Variants in DNAJC24 observed in about 807,000 individuals in gnomAD.
DNAJC24 encodes dnaJ homolog subfamily C member 24.
Under a neutral mutation model 18.0 loss-of-function variants are expected in DNAJC24, and 17 were observed. The observed-to-expected ratio is 0.94, with a 90% CI of 0.65 to 1.42. The LOEUF (loss-of-function observed/expected upper bound fraction) is 1.42, where lower values mean the gene tolerates loss of function less well. DNAJC24 is among the 40% of genes most tolerant of loss of function. The probability of loss-of-function intolerance (pLI) is 0.00; values close to 1 mark genes in which losing one functional copy is unlikely to be tolerated. For missense variants in DNAJC24, 158 were observed against 175.6 expected, an observed-to-expected ratio of 0.90 and a Z score of 0.57; for synonymous variants, 55 against 57.7, an observed-to-expected ratio of 0.95 and a Z score of 0.21.
In DNAJC24 at chr11:31,430,397, A is replaced by C; in HGVS notation, c.446A>C (p.Asn149Thr). 6.2e-7 allele frequency: 1 copy of C among 1,601,574 alleles called. No individual in the cohort carries two copies. ...CTAATTATAGAACTCCTTCATTATAACTAAAATTGTTCACAACTTGAAATG... is the reference window on the plus strand; with the variant it reads ...CTAATTATAGAACTCCTTCATTATACCTAAAATTGTTCACAACTTGAAATG... ...CSLIIELLHYN is the reference protein window; with the variant it reads ...CSLIIELLHYT Residue 149 changes from asparagine (N) to threonine (T), a missense_variant, in exon 5 of 5, where the codon AAC becomes ACC. By Grantham distance (65) the Asn-to-Thr change is moderately conservative (BLOSUM62 0). Transcript: ENST00000465995.
rs1278236314 is a variant in DNAJC24 at position 31,430,533 on chromosome 11, C to G, written c.*132C>G. 6 of 556,234 alleles carry G rather than the reference C, an allele frequency of 1.1e-5. No individual in the cohort carries two copies. The Admixed American group carries it at 1.9e-4, about 17-fold the overall frequency. 34.5% of individuals were successfully genotyped at this position (556,234 alleles called of 1,614,324 possible). A position where few individuals can be genotyped will look rare whatever the true frequency, so the allele number is the denominator to read the frequency against. ...GCAAAGAAAATATACAATTATCAAG[C>G]AGAGACCACCTCAGATTAATAGAGA... On this transcript the variant is annotated 3_prime_UTR_variant, in exon 5 of 5. Coordinates refer to ENST00000465995, the MANE Select transcript of DNAJC24 (RefSeq NM_181706.5).
At chr11:31,415,965 A>G (rs1952748245) in intron 3 of DNAJC24, 1 of 152,148 alleles carries the variant, frequency 6.6e-6, no homozygotes, top group Admixed American at 6.6e-5. Context: ...AGACATCCCT[A>G]TTTATTTTCA....
At chr11:31,391,917 A>G (rs1381704335) in intron 2 of DNAJC24, among the ~76,000 whole-genome samples, 1 of 152,214 alleles carries the variant, frequency 6.6e-6, no homozygotes, top group Non-Finnish European at 1.5e-5. Context: ...CTATTCAGCC[A>G]TAAAAAGTGA....
chr11:31,376,288 C>G (rs2133466991), intron 2 of DNAJC24, among the ~76,000 whole-genome samples: 1 of 152,290 alleles, frequency 6.6e-6, no homozygotes, highest in African/African-American at 2.4e-5. Context: ...CCGGGTATAT[C>G]TTTATCTGCA....
In DNAJC24 at chr11:31,432,634, T is replaced by A; in HGVS notation, c.*2233T>A. The stretch of plus-strand genomic sequence containing the variant: ...AATGTTATAGTATCATCATATTCCC[T>A]TTTGCTATCTGTCCCTTTTCTCTAT... On this transcript the variant is annotated 3_prime_UTR_variant, in exon 5 of 5. Transcript: ENST00000465995. 1.9e-6 allele frequency: 2 copies of A among 1,042,358 alleles called. No individual in the cohort carries two copies. Among genetic ancestry groups the A allele is most frequent in the South Asian group, 2.6e-5 (2 of 77,666 alleles). 64.6% of individuals were successfully genotyped at this position (1,042,358 alleles called of 1,614,324 possible).
chr11:31,391,673 C>G (rs1270803675), intron 2 of DNAJC24, among the ~76,000 whole-genome samples: 1 of 152,124 alleles, frequency 6.6e-6, no homozygotes. Context: ...ATTAGTGCAA[C>G]CAGTATGGAG....
At chr11:31,421,952 T>A (rs1284872725) in intron 3 of DNAJC24, 2 of 442,236 alleles carry the variant, frequency 4.5e-6, no homozygotes, top group African/African-American at 2.0e-5. Context: ...GATTTTCCTT[T>A]TAATCTCTTT....
intron 2 of DNAJC24, among the ~76,000 whole-genome samples, chr11:31,392,991 A>G (rs1316802638): frequency 6.6e-6 from 1 of 152,172 alleles, no homozygotes; most frequent in Non-Finnish European, 1.5e-5. Context: ...TAAGCCATCT[A>G]TGAAGCAGGC....
intron 2 of DNAJC24, among the ~76,000 whole-genome samples, chr11:31,376,413 T>C (rs921797874): frequency 6.6e-6 from 1 of 152,242 alleles, no homozygotes; most frequent in African/African-American, 2.4e-5. Flanking sequence ...ATCATAATTA[T>C]GGCCATGAGT....
intron 2 of DNAJC24, among the ~76,000 whole-genome samples, chr11:31,400,275 G>C (rs1488719013): frequency 6.6e-6 from 1 of 152,118 alleles, no homozygotes; most frequent in African/African-American, 2.4e-5. Flanking sequence ...TATATACCCA[G>C]TAATGGGATT....
At chr11:31,393,641 G>A (rs762248668) in intron 2 of DNAJC24, among the ~76,000 whole-genome samples, 2 of 152,042 alleles carry the variant, frequency 1.3e-5, no homozygotes, top group Non-Finnish European at 2.9e-5. Context: ...GTGTCATCTC[G>A]GAAGCAGAGA....
At chr11:31,385,676 T>C (rs1345981703) in intron 2 of DNAJC24, among the ~76,000 whole-genome samples, 6 of 152,216 alleles carry the variant, frequency 3.9e-5, no homozygotes, top group Non-Finnish European at 8.8e-5. Context: ...GTTCTTTTTT[T>C]CCTCCCTCTT....
chr11:31,426,384 T>C (rs759373212), intron 4 of DNAJC24, 29 bp downstream of exon 4: 122 of 1,282,724 alleles, frequency 9.5e-5, no homozygotes, highest in Non-Finnish European at 1.1e-4. Flanking sequence ...CTTGACAACA[T>C]TTAAAAAAAA....
chr11:31,423,933 A>G (rs1177450154), intron 3 of DNAJC24, among the ~76,000 whole-genome samples: 6 of 152,202 alleles, frequency 3.9e-5, no homozygotes, highest in Admixed American at 3.9e-4. Flanking sequence ...TGGCTACTCT[A>G]AAGTTCCTCT....
intron 2 of DNAJC24, among the ~76,000 whole-genome samples, chr11:31,413,043 TA>T (rs1952723008): frequency 6.6e-6 from 1 of 152,210 alleles, no homozygotes; most frequent in South Asian, 2.1e-4. Context: ...ATTTAGATAA[TA>T]AATGACATGG....
chr11:31,380,792 C>T (rs1002480480), intron 2 of DNAJC24, among the ~76,000 whole-genome samples: 2 of 152,030 alleles, frequency 1.3e-5, no homozygotes, highest in African/African-American at 4.8e-5. Flanking sequence ...TCAGAAAGTT[C>T]CTTTATGCTT....
chr11:31,407,942 C>T (rs1952672174), intron 2 of DNAJC24, among the ~76,000 whole-genome samples: 1 of 151,482 alleles, frequency 6.6e-6, no homozygotes, highest in Admixed American at 6.6e-5. Flanking sequence ...TAAAATACCA[C>T]TGGCATATTG....
intron 2 of DNAJC24, among the ~76,000 whole-genome samples, chr11:31,401,825 A>G (rs1026979939): frequency 1.3e-5 from 2 of 152,218 alleles, no homozygotes; most frequent in Non-Finnish European, 2.9e-5. Flanking sequence ...AAGCACACTG[A>G]AACATCACTT....
chr11:31,390,928 C>G (rs1246628320), intron 2 of DNAJC24, among the ~76,000 whole-genome samples: 2 of 151,966 alleles, frequency 1.3e-5, no homozygotes, highest in Non-Finnish European at 2.9e-5. Context: ...AAAACATAGG[C>G]CAATATTTCT....
Sources: allele counts gnomAD v4.1 joint callset (sites outside exome capture counted in the v4.1 genomes callset), GRCh38; gene constraint gnomAD v4.1.1; transcripts MANE v1.5; gene names NCBI Gene and HGNC (gene_info 2026-07-23, HGNC 2026-07-21).